TDRD9: variants seen among roughly 807,000 people sequenced by gnomAD.
The protein encoded by TDRD9 is ATP-dependent RNA helicase TDRD9.
In TDRD9, 124 loss-of-function variants were observed where a neutral mutation model predicts 172.6. The observed-to-expected ratio is 0.72, with a 90% CI of 0.62 to 0.83. The LOEUF (loss-of-function observed/expected upper bound fraction) is 0.83. Ranked by LOEUF, TDRD9 falls within the 40% of genes least tolerant of loss-of-function variation. The pLI, the probability that TDRD9 is intolerant of heterozygous loss-of-function variation, is 0.00. For missense variants in TDRD9, 1,479 were observed against 1,714.1 expected (o/e 0.86, Z 2.42); for synonymous variants, 619 against 617.1 (o/e 1.00, Z -0.05).
intron 34 of TDRD9, among the ~76,000 whole-genome samples, chr14:104,046,774 T>C (rs1050314607): frequency 6.6e-6 from 1 of 152,046 alleles, no homozygotes; most frequent in Non-Finnish European, 1.5e-5. Context: ...GCCTCCTGAG[T>C]AGCTGGGACT....
At chr14:104,013,517 CAG>C (rs879346303) in intron 20 of TDRD9, 2 of 152,152 alleles carry the variant, frequency 1.3e-5, no homozygotes, top group Non-Finnish European at 1.5e-5. Context: ...GTTCCCATCT[CAG>C]GGGTGTGTGT....
chr14:103,938,953 A>G (rs2030994141), intron 1 of TDRD9, among the ~76,000 whole-genome samples: 3 of 152,236 alleles, frequency 2.0e-5, no homozygotes, highest in South Asian at 2.1e-4. Flanking sequence ...AAAGTGAGAG[A>G]TGGAAACTCA....
intron 28 of TDRD9, among the ~76,000 whole-genome samples, chr14:104,029,011 G>C (rs1199514200): frequency 6.6e-6 from 1 of 152,038 alleles, no homozygotes; most frequent in African/African-American, 2.4e-5. Context: ...TTTATTTCTG[G>C]GTTCTCTATT....
chr14:104,044,758 C>T (rs1047820464), intron 34 of TDRD9, among the ~76,000 whole-genome samples: 37 of 152,196 alleles, frequency 2.4e-4, no homozygotes, highest in Admixed American at 2.3e-3. Flanking sequence ...TAGTCACATA[C>T]AGTCTTTTTG....
At chr14:104,026,592 T>C (rs2035125643) in intron 27 of TDRD9, 87 bp from the exon 28 acceptor site, 5 of 1,452,838 alleles carry the variant, frequency 3.4e-6, no homozygotes, top group Non-Finnish European at 4.7e-6. Context: ...TGAAGGTACA[T>C]GAACAAGGTC....
Position 103,995,738 on chromosome 14 carries a change from G to C in TDRD9, c.1321-12G>C. On this transcript the variant is annotated splice_polypyrimidine_tract_variant and intron_variant, in intron 11 of 35. Transcript: ENST00000409874. ...AGTAGGAATGTCAGCTTTTTTCTTT[G>C]ATGTTTAACAGATTATTCTGTCCAC... The C allele has an allele frequency of 6.3e-7, 1 of 1,579,054 alleles. No homozygotes were observed. The highest frequency in any genetic ancestry group is 8.6e-7 in the Non-Finnish European group (1 of 1,166,684).
At chr14:104,018,661 CTGCATGTAAGGAACAAA>C (rs2034864434) in intron 23 of TDRD9, among the ~76,000 whole-genome samples, 1 of 152,178 alleles carries the variant, frequency 6.6e-6, no homozygotes, top group Admixed American at 6.5e-5. Flanking sequence ...GCTCTACTTA[CTGCATGTAAGGAACAAA>C]TGTGTGTTTT....
chr14:103,995,648 A>T, intron 11 of TDRD9, 102 bp from the exon 12 acceptor site: 2 of 1,035,232 alleles, frequency 1.9e-6, no homozygotes, highest in African/African-American at 1.6e-5. Context: ...TTCAGTATTT[A>T]CATTCAGAAG....
intron 33 of TDRD9, among the ~76,000 whole-genome samples, chr14:104,040,802 C>T (rs1447512849): frequency 6.6e-6 from 1 of 152,250 alleles, no homozygotes; most frequent in Non-Finnish European, 1.5e-5. Flanking sequence ...GCAGCATTGT[C>T]TGGGCACCGC....
intron 34 of TDRD9, among the ~76,000 whole-genome samples, chr14:104,046,649 TTTTTC>T (rs2035785677): frequency 7.6e-6 from 1 of 132,362 alleles, no homozygotes; most frequent in Non-Finnish European, 1.7e-5. Context: ...ATTCTTTTTC[TTTTTC>T]TTTTTTTTTG....
At chr14:103,990,529 T>G (rs906628521) in intron 8 of TDRD9, among the ~76,000 whole-genome samples, 2 of 152,252 alleles carry the variant, frequency 1.3e-5, no homozygotes, top group Non-Finnish European at 2.9e-5. Flanking sequence ...TTACTGTGTT[T>G]CCCTGTGTGT....
intron 32 of TDRD9, among the ~76,000 whole-genome samples, chr14:104,037,823 A>G (rs568178769): frequency 6.6e-6 from 1 of 152,132 alleles, no homozygotes; most frequent in African/African-American, 2.4e-5. Context: ...TCCACCACAC[A>G]TCTGTCCCCG....
intron 32 of TDRD9, among the ~76,000 whole-genome samples, chr14:104,038,388 A>C (rs2035514414): frequency 6.6e-6 from 1 of 152,238 alleles, no homozygotes; most frequent in Non-Finnish European, 1.5e-5. Context: ...AAGCTACCCC[A>C]AAACTTCAGT....
intron 1 of TDRD9, among the ~76,000 whole-genome samples, chr14:103,944,656 C>G (rs949718239): frequency 2.7e-5 from 4 of 147,526 alleles, no homozygotes; most frequent in African/African-American, 1.0e-4. Context: ...ACCTCTGCCT[C>G]CTGAGTTCAA....
intron 8 of TDRD9, among the ~76,000 whole-genome samples, chr14:103,988,694 CTT>C (rs34511631): frequency 0.017 from 2,135 of 126,832 alleles, 25 homozygotes; most frequent in Non-Finnish European, 0.026. Context: ...TAGCATTTTA[CTT>C]TTTTTTTTTT....
chr14:103,972,950 T>G (rs1482715111), intron 6 of TDRD9, among the ~76,000 whole-genome samples: 1 of 152,256 alleles, frequency 6.6e-6, no homozygotes, highest in African/African-American at 2.4e-5. Flanking sequence ...CATTGAGACC[T>G]TTCTTGAATG....
chr14:103,995,858 A>G, intron 12 of TDRD9, 51 bp downstream of exon 12: 1 of 1,482,272 alleles, frequency 6.7e-7, no homozygotes. Context: ...TGCCATATTT[A>G]TTGGCTTATT....
intron 1 of TDRD9, among the ~76,000 whole-genome samples, chr14:103,938,597 C>T (rs2030968521): frequency 6.6e-6 from 1 of 151,332 alleles, no homozygotes; most frequent in Non-Finnish European, 1.5e-5. Flanking sequence ...AGCTACCATG[C>T]CCAGCTAATT....
intron 1 of TDRD9, among the ~76,000 whole-genome samples, chr14:103,935,072 C>T (rs539456549): frequency 2.2e-4 from 33 of 152,342 alleles, no homozygotes; most frequent in South Asian, 2.1e-4. Context: ...TGTCAGCCGA[C>T]TGACTTTGGA....
Sources: allele counts gnomAD v4.1 joint callset (sites outside exome capture counted in the v4.1 genomes callset), GRCh38; gene constraint gnomAD v4.1.1; transcripts MANE v1.5; gene names NCBI Gene and HGNC (gene_info 2026-07-23, HGNC 2026-07-21).